The following SLC7A11 variants were observed in gnomAD, a reference collection of about 807,000 sequenced individuals.
SLC7A11 encodes the protein solute carrier family 7 member 11.
SLC7A11 carries 35 observed loss-of-function variants against 54.5 expected under a neutral mutation model. The observed-to-expected ratio is 0.64, with a 90% CI of 0.49 to 0.85. The LOEUF is 0.85. SLC7A11 is among the 40% of genes least tolerant of loss of function. The pLI is 0.00. For synonymous variants in SLC7A11, 230 were observed against 225.2 expected (o/e 1.02, Z -0.19); for missense variants, 583 against 618.1 (o/e 0.94, Z 0.60).
Position 138,237,700 on chromosome 4 carries a change from AATATATATATATATATATATATAT to A in SLC7A11, c.278-1273_278-1250del, listed in dbSNP as rs1168512229. ...AGTGTGAGCCACTGCGCCTAGCCAG[AATATATATATATATATATATATAT>A]ATATATATATATATTTTTTTTTTTT... On this transcript the variant is annotated intron_variant, in intron 1 of 11. Coordinates refer to ENST00000280612, the MANE Select transcript of SLC7A11 (RefSeq NM_014331.4). Among the ~76,000 whole-genome samples, 15 of 14,710 alleles carry A rather than the reference AATATATATATATATATATATATAT, an allele frequency of 1.0e-3. 1 individual carries two copies. The highest frequency in any genetic ancestry group is 2.2e-3 in the African/African-American group (11 of 4,980). 9.7% of individuals were successfully genotyped at this position (14,710 alleles called of 152,430 possible). A position where few individuals can be genotyped will look rare whatever the true frequency, so the allele number is the denominator to read the frequency against.
At chr4:138,180,928 ATT>A in intron 9 of SLC7A11, 138 bp from the exon 10 acceptor site, 1 of 795,776 alleles carries the variant, frequency 1.3e-6, no homozygotes, top group Non-Finnish European at 1.9e-6. Flanking sequence ...TAAAACTTGG[ATT>A]TGACTAATCT....
Position 138,242,037 on chromosome 4 carries a change from G to A in SLC7A11, c.33C>T (p.Ser11=), listed in dbSNP as rs1385898944. 6.2e-7 allele frequency: 1 copy of A among 1,613,980 alleles called. No individual in the cohort carries two copies. Among genetic ancestry groups the A allele is most frequent in the East Asian group, 2.2e-5 (1 of 44,876 alleles). MVRKPVVSTI[S]KGGYLQGNVN... ...CATTTCCCTGCAGGTAACCTCCTTTGGAGATGGTGGACACAACAGGCTTTC... is the reference window on the plus strand; with the variant it reads ...CATTTCCCTGCAGGTAACCTCCTTTAGAGATGGTGGACACAACAGGCTTTC... Residue 11 remains serine (S), a synonymous_variant, in exon 1 of 12, where the codon TCC becomes TCT. Transcript: ENST00000280612.
chr4:138,219,122 A>G (rs1287395490), intron 5 of SLC7A11, 144 bp downstream of exon 5: 1 of 565,930 alleles, frequency 1.8e-6, no homozygotes, highest in East Asian at 3.0e-5. Context: ...AGGGGATAAT[A>G]CCTTATTTCT....
chr4:138,182,879 TCTTA>T (rs1736781253), intron 8 of SLC7A11, among the ~76,000 whole-genome samples: 1 of 152,106 alleles, frequency 6.6e-6, no homozygotes, highest in Non-Finnish European at 1.5e-5. Flanking sequence ...TTCTGATGTC[TCTTA>T]CTTTACTTTT....
chr4:138,197,798 T>C (rs1421218357), intron 6 of SLC7A11, among the ~76,000 whole-genome samples: 2 of 151,806 alleles, frequency 1.3e-5, no homozygotes, highest in South Asian at 2.1e-4. Context: ...TTACAAACTT[T>C]TAATAAAATT....
intron 6 of SLC7A11, among the ~76,000 whole-genome samples, chr4:138,203,531 C>T (rs1737336850): frequency 2.6e-5 from 4 of 151,766 alleles, no homozygotes; most frequent in Admixed American, 2.6e-4. Context: ...CAGTTTAATC[C>T]ATATCTTTGG....
rs140307668 is a variant in SLC7A11 at position 138,241,996 on chromosome 4, G to A, written c.74C>T (p.Pro25Leu). The A allele has an allele frequency of 5.0e-6, 8 of 1,614,098 alleles. No homozygotes were observed. The highest frequency in any genetic ancestry group is 1.6e-4 in the Middle Eastern group (1 of 6,084). ...AGGTGGCTCCTTGTTGCCCAGGGAAGGCAGCCTCCCGTTAACATTTCCCTG... is the reference window on the plus strand; with the variant it reads ...AGGTGGCTCCTTGTTGCCCAGGGAAAGCAGCCTCCCGTTAACATTTCCCTG... ...YLQGNVNGRL[P>L]SLGNKEPPGQ... Residue 25 changes from proline to leucine, a missense_variant, in exon 1 of 12, where the codon CCT (proline) becomes CTT (leucine). Physicochemically the swap from Pro to Leu is moderately conservative, Grantham distance 98 (BLOSUM62 -3). Transcript: ENST00000280612.
At position 138,216,717 on chromosome 4, in the gene SLC7A11, G is replaced by A. The variant is rs368026931; in HGVS notation, c.747-2088C>T. ...AGGTCTCCAGGACAACAATGGTCTT[G>A]CAGCTTTTACTTACAGGCTAACAGG... On this transcript the variant is annotated intron_variant, in intron 5 of 11. Coordinates refer to ENST00000280612, the MANE Select transcript of SLC7A11 (RefSeq NM_014331.4). Among the ~76,000 whole-genome samples the A allele has an allele frequency of 7.2e-5, 11 of 152,294 alleles. No individual in the cohort carries two copies. In the East Asian group the frequency reaches 1.9e-3, roughly 27 times the overall value.
At chr4:138,177,613 C>T (rs766371710) in intron 11 of SLC7A11, 1 of 152,116 alleles carries the variant, frequency 6.6e-6, no homozygotes, top group Non-Finnish European at 1.5e-5. Flanking sequence ...TCTCCATTTT[C>T]CTGAGCTCTG....
rs1290388526 is a variant in SLC7A11, at chr4:138,219,274, A to AT, written c.737dup (p.Tyr246Ter). ...TGGAGCTATCAACTTACCAGCCAGC[A>AT]TATGCATACATTCCATAATAAAAAG... Reference protein sequence around the residue: ...PLAFYYGMYAYAGWFYLNFVT... With the variant: ...PLAFYYGMYA The change falls in exon 5 of 12, where the codon TAT becomes TAAT. Residue 246 changes from tyrosine to a stop codon, truncating the protein, a stop_gained and frameshift_variant. Transcript: ENST00000280612. LOFTEE classifies it high-confidence loss of function. 4 of 1,576,714 alleles carry AT rather than the reference A, an allele frequency of 2.5e-6. No individual in the cohort carries two copies. The highest frequency in any genetic ancestry group is 2.7e-5 in the African/African-American group (2 of 74,276).
In SLC7A11 at chr4:138,224,815, A is replaced by AAAGGAAGGAAGG. The variant is rs138629758; in HGVS notation, c.521-1503_521-1492dup. Among the ~76,000 whole-genome samples, 1,338 of 135,932 alleles carry AAAGGAAGGAAGG rather than the reference A, an allele frequency of 9.8e-3. 20 individuals are homozygous for AAAGGAAGGAAGG. The highest frequency in any genetic ancestry group is 0.014 in the African/African-American group (517 of 36,700). 89.2% of individuals were successfully genotyped at this position (135,932 alleles called of 152,430 possible). ...GAAGGAAAAGAAGGAAGGAAGGATG[A>AAAGGAAGGAAGG]AAGGAAGGAAGGAAGGAAGGAAGGA... On this transcript the variant is annotated intron_variant, in intron 3 of 11. Transcript: ENST00000280612.
intron 10 of SLC7A11, among the ~76,000 whole-genome samples, chr4:138,179,772 T>C (rs940235753): frequency 1.3e-5 from 2 of 152,166 alleles, no homozygotes; most frequent in Non-Finnish European, 2.9e-5. Context: ...GAACCCACTT[T>C]AATGTGGAGT....
chr4:138,186,496 G>A (rs962166247), intron 6 of SLC7A11, among the ~76,000 whole-genome samples: 3 of 152,086 alleles, frequency 2.0e-5, no homozygotes, highest in East Asian at 1.9e-4. Flanking sequence ...ATGCTGCTTG[G>A]AGCCTGACAC....
intron 11 of SLC7A11, among the ~76,000 whole-genome samples, chr4:138,178,338 T>C (rs1736633824): frequency 6.6e-6 from 1 of 152,164 alleles, no homozygotes; most frequent in African/African-American, 2.4e-5. Flanking sequence ...CTGCATAGTA[T>C]TCTATCATAT....
chr4:138,199,609 A>G (rs1195411008), intron 6 of SLC7A11, among the ~76,000 whole-genome samples: 1 of 152,112 alleles, frequency 6.6e-6, no homozygotes, highest in African/African-American at 2.4e-5. Flanking sequence ...TGGAGGAGGC[A>G]GGGTTAAGCA....
At chr4:138,188,736 C>A (rs1736940272) in intron 6 of SLC7A11, among the ~76,000 whole-genome samples, 1 of 152,152 alleles carries the variant, frequency 6.6e-6, no homozygotes, top group African/African-American at 2.4e-5. Context: ...AGGAAGGAAC[C>A]AGTAGGCCAC....
chr4:138,214,747 T>A lies in SLC7A11; in HGVS notation c.747-118A>T, dbSNP rs552145880. On this transcript the variant is annotated intron_variant, in intron 5 of 11. Coordinates refer to ENST00000280612, the MANE Select transcript of SLC7A11 (RefSeq NM_014331.4). Reference sequence around the variant, plus strand: ...ATGAAAACTATAACAATACTTATAGTAAGATGAAAATATCTAACAACTAAA... The same window carrying A: ...ATGAAAACTATAACAATACTTATAGAAAGATGAAAATATCTAACAACTAAA... The A allele has an allele frequency of 1.0e-3, 369 of 354,150 alleles. 2 individuals carry two copies. Among genetic ancestry groups the A allele is most frequent in the African/African-American group, 7.2e-3 (334 of 46,116 alleles). 21.9% of individuals were successfully genotyped at this position (354,150 alleles called of 1,614,324 possible). A position where few individuals can be genotyped will look rare whatever the true frequency, so the allele number is the denominator to read the frequency against.
intron 9 of SLC7A11, 87 bp downstream of exon 9, chr4:138,182,210 A>C: frequency 2.5e-6 from 2 of 794,152 alleles, no homozygotes; most frequent in Non-Finnish European, 4.3e-6. Flanking sequence ...TGAGAAAGTA[A>C]AATACTATCT....
chr4:138,193,853 A>G (rs1184403669), intron 6 of SLC7A11, among the ~76,000 whole-genome samples: 1 of 152,178 alleles, frequency 6.6e-6, no homozygotes, highest in Non-Finnish European at 1.5e-5. Flanking sequence ...CTAAATATGA[A>G]TGATTATATA....
Sources: gnomAD v4.1 joint callset for allele counts (sites outside exome capture counted in the v4.1 genomes callset) on GRCh38, gnomAD v4.1.1 for gene constraint, MANE v1.5 for transcripts, NCBI Gene and HGNC (gene_info 2026-07-23, HGNC 2026-07-21) for gene names.